The following PRDM11 variants were observed in gnomAD, a reference collection of about 807,000 sequenced individuals.
PRDM11 encodes the protein PR domain-containing protein 11.
PRDM11 carries 20 observed loss-of-function variants against 97.8 expected under a neutral mutation model. The observed-to-expected ratio is 0.20, with a 90% confidence interval of 0.14 to 0.30. The LOEUF is 0.30. Among genes scored for constraint, PRDM11 ranks in the 10% least tolerant of loss-of-function variants. The probability of loss-of-function intolerance (pLI) is 1.00; values close to 1 mark genes in which losing one functional copy is unlikely to be tolerated. For synonymous variants in PRDM11, 599 were observed against 637.7 expected (o/e 0.94, Z 0.91); for missense variants, 1,139 against 1,555.2 (o/e 0.73, Z 4.50).
At chr11:45,137,418 A>C (rs960926131) in intron 1 of PRDM11, among the ~76,000 whole-genome samples, 1 of 149,466 alleles carries the variant, frequency 6.7e-6, no homozygotes, top group African/African-American at 2.5e-5. Flanking sequence ...GAGTGACAAG[A>C]GACTCCGTCT....
chr11:45,166,023 T>C (rs1291556944), intron 1 of PRDM11, among the ~76,000 whole-genome samples: 1 of 152,230 alleles, frequency 6.6e-6, no homozygotes, highest in African/African-American at 2.4e-5. Context: ...CCTCCATTCC[T>C]ATCTGAAAAA....
At chr11:45,146,084 TA>T (rs1345905051), upstream of PRDM11, among the ~76,000 whole-genome samples, 1 of 152,160 alleles carries the variant, frequency 6.6e-6, no homozygotes, top group African/African-American at 2.4e-5. Flanking sequence ...CAACCCCACA[TA>T]AAGAGTTAAT....
At chr11:45,108,854 C>T (rs928000741) in intron 1 of PRDM11, among the ~76,000 whole-genome samples, 2 of 152,242 alleles carry the variant, frequency 1.3e-5, no homozygotes, top group East Asian at 3.8e-4. Flanking sequence ...GGCAGCCTGC[C>T]TGAAGCAGCT....
intron 6 of PRDM11, among the ~76,000 whole-genome samples, chr11:45,223,808 G>A (rs907458593): frequency 2.6e-5 from 4 of 152,148 alleles, no homozygotes; most frequent in African/African-American, 9.7e-5. Context: ...CATTGCTAGG[G>A]CTGAGGGGAA....
chr11:45,189,829 G>A (rs189031414), intron 4 of PRDM11, among the ~76,000 whole-genome samples: 3 of 152,326 alleles, frequency 2.0e-5, no homozygotes, highest in African/African-American at 7.2e-5. Context: ...GGTGGGGACA[G>A]GCAGGTGTTA....
chr11:45,139,711 G>A (rs987944519), intron 1 of PRDM11, among the ~76,000 whole-genome samples: 1 of 151,938 alleles, frequency 6.6e-6, no homozygotes, highest in South Asian at 2.1e-4. Flanking sequence ...GTGTACTGTC[G>A]TATTTTTATG....
chr11:45,183,436 G>A (rs1045669730), intron 4 of PRDM11, among the ~76,000 whole-genome samples: 2 of 152,142 alleles, frequency 1.3e-5, no homozygotes, highest in South Asian at 2.1e-4. Context: ...TGAACCAACC[G>A]ATCTTCTAGA....
At chr11:45,102,420 T>C (rs1446363677) in intron 1 of PRDM11, among the ~76,000 whole-genome samples, 1 of 152,130 alleles carries the variant, frequency 6.6e-6, no homozygotes, top group Non-Finnish European at 1.5e-5. Flanking sequence ...TGGACACAGA[T>C]GAGGAAAGAC....
Position 45,228,499 on chromosome 11 carries a change from G to A in PRDM11, c.*340G>A, listed in dbSNP as rs1487230462. 1 of 152,032 alleles carries A rather than the reference G, an allele frequency of 6.6e-6. No individual in the cohort carries two copies. The highest frequency in any genetic ancestry group is 2.1e-4 in the South Asian group (1 of 4,822). The allele number at this position is 152,032 out of a possible 1,614,324, so 9.4% of individuals were successfully genotyped here. On this transcript the variant is annotated 3_prime_UTR_variant, in exon 8 of 8. Transcript: ENST00000683152. Reference sequence around the variant, plus strand: ...ACCAACAGCATAAGCTAAAATGACAGGTCTCTGTCATCACCTTTAGGTAGC... The same window carrying A: ...ACCAACAGCATAAGCTAAAATGACAAGTCTCTGTCATCACCTTTAGGTAGC...
chr11:45,204,905 G>T, intron 5 of PRDM11, 127 bp downstream of exon 5: 1 of 981,558 alleles, frequency 1.0e-6, no homozygotes, highest in Non-Finnish European at 1.6e-6. Context: ...GCAGGGTTTG[G>T]ATGCATCTAG....
At position 45,219,461 on chromosome 11, in the gene PRDM11, G is replaced by A. The variant is rs946974595; in HGVS notation, c.555-109G>A. 4 of 1,101,832 alleles carry A rather than the reference G, an allele frequency of 3.6e-6. No individual in the cohort carries two copies. In the African/African-American group the frequency reaches 4.7e-5, roughly 13 times the overall value. The allele number at this position is 1,101,832 out of a possible 1,614,324, so 68.3% of individuals were successfully genotyped here. On this transcript the variant is annotated intron_variant, in intron 5 of 7. Transcript: ENST00000683152. This position sits in a 1 kb window ranked among gnomAD's most constrained non-coding sequence, Gnocchi z 4.2. ...TCTGCTGATGTTCACATGGGCCCAC[G>A]TGCCTGTGGACTTCTAACCATCCAC...
intron 6 of PRDM11, among the ~76,000 whole-genome samples, chr11:45,223,557 A>G (rs549410774): frequency 1.3e-5 from 2 of 152,308 alleles, no homozygotes; most frequent in Admixed American, 6.5e-5. Flanking sequence ...CCTCAGCGCC[A>G]TAGGTCTCCT....
chr11:45,152,540 G>A (rs896288122), intron 1 of PRDM11, among the ~76,000 whole-genome samples: 2 of 152,114 alleles, frequency 1.3e-5, no homozygotes, highest in Non-Finnish European at 2.9e-5. Flanking sequence ...TGGGTTTTTT[G>A]TTACTTTTGT....
chr11:45,119,637 A>C (rs1315201801), intron 1 of PRDM11, among the ~76,000 whole-genome samples: 6 of 144,590 alleles, frequency 4.1e-5, no homozygotes, highest in East Asian at 3.9e-4. Flanking sequence ...AAAAAAAAAA[A>C]AAAAAAAAAA....
chr11:45,227,915 G>A lies in PRDM11; in HGVS notation c.3290G>A (p.Arg1097Gln), dbSNP rs538402751. The A allele has an allele frequency of 1.3e-4, 202 of 1,533,862 alleles. 2 individuals are homozygous for A. The Admixed American group carries it at 3.7e-3, about 28-fold the overall frequency. Residue 1097 changes from arginine (R) to glutamine (Q), a missense_variant, in exon 8 of 8, where the codon CGA becomes CAA. By Grantham distance (43) the Arg-to-Gln change is conservative (BLOSUM62 1). This residue lies in a region of PRDM11 where 710 missense variants were observed against 1,044.9 expected (regional missense o/e 0.68). Transcript: ENST00000683152. This position sits in a 1 kb window ranked among gnomAD's most constrained non-coding sequence, Gnocchi z 8.0. ...GAGAAAGGCCGCAATGCCCTCCAGC[G>A]AGTTCGCAAAAACCACCGCTCCCGC... ...CCEKGRNALQ[R>Q]VRKNHRSRLT...
chr11:45,186,355 G>A (rs1852705805), intron 4 of PRDM11, among the ~76,000 whole-genome samples: 1 of 152,182 alleles, frequency 6.6e-6, no homozygotes, highest in Non-Finnish European at 1.5e-5. Flanking sequence ...GCTCAGGGGA[G>A]CTGTCCAGAG....
intron 4 of PRDM11, among the ~76,000 whole-genome samples, chr11:45,196,520 C>T (rs1853127020): frequency 6.6e-6 from 1 of 152,194 alleles, no homozygotes; most frequent in Non-Finnish European, 1.5e-5. Flanking sequence ...GATCCAGATA[C>T]TCCTGGATCT....
chr11:45,113,821 TGTG>T (rs1565230160), intron 1 of PRDM11, among the ~76,000 whole-genome samples: 1 of 102,776 alleles, frequency 9.7e-6, no homozygotes, highest in East Asian at 2.1e-4. Context: ...TGTGTGTGTG[TGTG>T]TTTTGTTTTT....
At position 45,161,172 on chromosome 11, in the gene PRDM11, G is replaced by A. The variant is rs563518983; in HGVS notation, c.-7+14295G>A. ...CCTGGCACTGCTGAGGACCGAGTGAGCTAACACATGTGAAGTGTTTACCAT... is the reference window on the plus strand; with the variant it reads ...CCTGGCACTGCTGAGGACCGAGTGAACTAACACATGTGAAGTGTTTACCAT... On this transcript the variant is annotated intron_variant, in intron 1 of 7. Coordinates refer to ENST00000683152, the MANE Select transcript of PRDM11 (RefSeq NM_001384648.1). Among the ~76,000 whole-genome samples, 6 of 152,310 alleles carry A rather than the reference G, an allele frequency of 3.9e-5. No individual in the cohort carries two copies. The South Asian group carries it at 6.2e-4, about 16-fold the overall frequency.
Sources: gnomAD v4.1 joint callset for allele counts (sites outside exome capture counted in the v4.1 genomes callset) on GRCh38, gnomAD v4.1.1 for gene constraint, gnomAD v4.1.1 regional missense constraint, Gnocchi (gnomAD v3.1) non-coding constraint, MANE v1.5 for transcripts, NCBI Gene and HGNC (gene_info 2026-07-23, HGNC 2026-07-21) for gene names.